The following TRIO variants were observed in gnomAD, a reference collection of about 807,000 sequenced individuals.
The protein encoded by TRIO is triple functional domain protein.
Under a neutral mutation model 351.9 loss-of-function variants are expected in TRIO, and 58 were observed. That is an observed-to-expected ratio of 0.16 (90% CI 0.13 to 0.21). The LOEUF (loss-of-function observed/expected upper bound fraction) is 0.21, where lower values mean the gene tolerates loss of function less well. TRIO is among the 10% of genes least tolerant of loss of function. TRIO has a pLI of 1.00. For missense variants in TRIO, 3,201 were observed against 4,027.8 expected (o/e 0.79, Z 5.56); for synonymous variants, 1,758 against 1,595.7 (o/e 1.10, Z -2.42).
chr5:14,435,178 G>A (rs149248876), intron 34 of TRIO, among the ~76,000 whole-genome samples: 12 of 152,300 alleles, frequency 7.9e-5, no homozygotes, highest in African/African-American at 2.6e-4. Flanking sequence ...ATGGTTTGAA[G>A]GCTGAGTACA....
intron 1 of TRIO, among the ~76,000 whole-genome samples, chr5:14,201,613 A>T (rs1409331804): frequency 6.6e-6 from 1 of 152,168 alleles, no homozygotes; most frequent in East Asian, 1.9e-4. Context: ...TTCTAAGATG[A>T]TCCTGTATCT....
In TRIO at chr5:14,471,384, C is replaced by T; in HGVS notation, c.5830C>T (p.Pro1944Ser). The T allele has an allele frequency of 6.2e-7, 1 of 1,614,144 alleles. No homozygotes were observed. The highest frequency in any genetic ancestry group is 8.5e-7 in the Non-Finnish European group (1 of 1,180,020). ...QGDSSSPSFN[P>S]SDNSLLSSSS... is the part of the protein sequence containing the mutation. ...AGATAGTAGCAGCCCTTCCTTCAAC[C>T]CTTCGGATAATTCCCTTCTCTCTTC... Residue 1944 changes from proline (P) to serine (S), a missense_variant, in exon 38 of 57, where the codon CCT becomes TCT. Physicochemically the swap from Pro to Ser is moderately conservative, Grantham distance 74. Coordinates refer to ENST00000344204, the MANE Select transcript of TRIO (RefSeq NM_007118.4).
At position 14,366,889 on chromosome 5, in the gene TRIO, C is replaced by A; in HGVS notation, c.2784C>A (p.Ser928=). Reference sequence around the variant, plus strand: ...TGGGTTGGATCCGCAACGGAGAGTCCATGTTAAATGCCGGACTTATCACAG... The same window carrying A: ...TGGGTTGGATCCGCAACGGAGAGTCAATGTTAAATGCCGGACTTATCACAG... The part of the protein sequence containing the change: ...QVLGWIRNGE[S]MLNAGLITAS... The change falls in exon 16 of 57, where the codon TCC becomes TCA. Residue 928 remains serine, a synonymous_variant. Transcript: ENST00000344204. The A allele has an allele frequency of 6.2e-7, 1 of 1,614,172 alleles. No homozygotes were observed. Among genetic ancestry groups the A allele is most frequent in the African/African-American group, 1.3e-5 (1 of 75,044 alleles).
chr5:14,388,081 A>G lies in TRIO; in HGVS notation c.3881+234A>G, dbSNP rs16903452. 1,142 of 525,574 alleles carry G rather than the reference A, an allele frequency of 2.2e-3. 16 individuals are homozygous for G. The highest frequency in any genetic ancestry group is 0.02 in the African/African-American group (1,062 of 52,872). 32.6% of individuals were successfully genotyped at this position (525,574 alleles called of 1,614,324 possible). The stretch of plus-strand genomic sequence containing the variant: ...TGTGCCTGTGTTTCATTTGGAGTTG[A>G]TGAATTGTCATTAATAGATAGTGAC... On this transcript the variant is annotated intron_variant, in intron 23 of 56. Transcript: ENST00000344204.
intron 45 of TRIO, 75 bp from the exon 46 acceptor site, chr5:14,482,507 G>T: frequency 8.4e-7 from 1 of 1,194,640 alleles, no homozygotes; most frequent in East Asian, 2.9e-5. Flanking sequence ...GAAATCTAAA[G>T]AAAACAGCTT....
intron 9 of TRIO, among the ~76,000 whole-genome samples, chr5:14,328,221 T>G (rs942425879): frequency 6.6e-6 from 1 of 152,188 alleles, no homozygotes; most frequent in African/African-American, 2.4e-5. Context: ...TGAGTTAAAG[T>G]AATGTGCACT....
intron 1 of TRIO, among the ~76,000 whole-genome samples, chr5:14,178,438 G>A (rs1789535910): frequency 6.6e-6 from 1 of 152,196 alleles, no homozygotes; most frequent in African/African-American, 2.4e-5. Flanking sequence ...GTGCCTGCCT[G>A]GTATTAGAAA....
chr5:14,169,599 CG>C (rs1431048880), intron 1 of TRIO, among the ~76,000 whole-genome samples: 6 of 152,182 alleles, frequency 3.9e-5, no homozygotes, highest in African/African-American at 1.2e-4. Context: ...TGTTATTCAT[CG>C]AACACACACG....
intron 34 of TRIO, among the ~76,000 whole-genome samples, chr5:14,431,764 C>G (rs1751170933): frequency 6.6e-6 from 1 of 152,180 alleles, no homozygotes; most frequent in East Asian, 1.9e-4. Flanking sequence ...CATTTATTCT[C>G]TCACAGTTCT....
intron 54 of TRIO, among the ~76,000 whole-genome samples, chr5:14,503,447 G>A (rs1308551088): frequency 6.6e-6 from 1 of 152,246 alleles, no homozygotes; most frequent in Non-Finnish European, 1.5e-5. Flanking sequence ...AGTGCAGTGG[G>A]CAGATGGGAC....
intron 1 of TRIO, among the ~76,000 whole-genome samples, chr5:14,218,527 C>A (rs552149752): frequency 6.6e-6 from 1 of 152,306 alleles, no homozygotes; most frequent in East Asian, 1.9e-4. Flanking sequence ...AAAAAAACCT[C>A]AAAACCCAAC....
At chr5:14,267,160 ATCTCC>A (rs1194928842) in intron 1 of TRIO, among the ~76,000 whole-genome samples, 1 of 152,170 alleles carries the variant, frequency 6.6e-6, no homozygotes, top group Non-Finnish European at 1.5e-5. Flanking sequence ...CCCTCTGGTT[ATCTCC>A]TCTCAAGTTG....
chr5:14,497,824 C>T lies in TRIO; in HGVS notation c.8020-23C>T. The T allele has an allele frequency of 6.2e-7, 1 of 1,614,158 alleles. No individual in the cohort carries two copies. The highest frequency in any genetic ancestry group is 8.5e-7 in the Non-Finnish European group (1 of 1,180,000). ...TTAAAGTAGCTCATTTCAGTTAATG[C>T]TTGTTTGCTGTTTCCATTTCAGCTT... On this transcript the variant is annotated intron_variant, in intron 50 of 56. Transcript: ENST00000344204. The surrounding 1 kb of genome is among the most constrained non-coding windows in gnomAD (Gnocchi z 4.4).
chr5:14,443,323 A>G (rs1752206246), intron 34 of TRIO, among the ~76,000 whole-genome samples: 1 of 152,200 alleles, frequency 6.6e-6, no homozygotes, highest in African/African-American at 2.4e-5. Flanking sequence ...AAATTCGTGC[A>G]TATGCGTGTG....
At chr5:14,362,108 C>T (rs938584405) in intron 13 of TRIO, among the ~76,000 whole-genome samples, 1 of 152,156 alleles carries the variant, frequency 6.6e-6, no homozygotes, top group African/African-American at 2.4e-5. Context: ...GAGTGGAACT[C>T]CATCTCTGAA....
rs577094390 is a variant in TRIO, at chr5:14,423,924, A to ATTT, written c.5203+3924_5203+3926dup. Among the ~76,000 whole-genome samples, 543 of 118,126 alleles carry ATTT rather than the reference A, an allele frequency of 4.6e-3. 5 individuals are homozygous for ATTT. Among genetic ancestry groups the ATTT allele is most frequent in the African/African-American group, 0.015 (449 of 29,926 alleles). 77.5% of individuals were successfully genotyped at this position (118,126 alleles called of 152,430 possible). A position where few individuals can be genotyped will look rare whatever the true frequency, so the allele number is the denominator to read the frequency against. Reference sequence around the variant, plus strand: ...GAAGGCCCCTCTCAGACCCCATGGAATTTTTTTTTTTTTTTTTTTTTTTGC... The same window carrying ATTT: ...GAAGGCCCCTCTCAGACCCCATGGAATTTTTTTTTTTTTTTTTTTTTTTTTTGC... On this transcript the variant is annotated intron_variant, in intron 34 of 56. Transcript: ENST00000344204.
At chr5:14,234,504 T>G (rs183644125) in intron 1 of TRIO, among the ~76,000 whole-genome samples, 8 of 152,200 alleles carry the variant, frequency 5.3e-5, no homozygotes. Context: ...GCAATCTCAG[T>G]AGATACCTGT....
At chr5:14,431,962 C>T (rs565337825) in intron 34 of TRIO, among the ~76,000 whole-genome samples, 97 of 152,328 alleles carry the variant, frequency 6.4e-4, no homozygotes, top group Non-Finnish European at 1.0e-3. Context: ...TTAATTTAAT[C>T]ACCTCCTTAA....
chr5:14,469,626 C>T (rs1448259886), intron 37 of TRIO, among the ~76,000 whole-genome samples: 5 of 152,224 alleles, frequency 3.3e-5, no homozygotes, highest in African/African-American at 1.2e-4. Flanking sequence ...CCTTCTCACA[C>T]ACATTTGTGG....
Sources: allele counts gnomAD v4.1 joint callset (sites outside exome capture counted in the v4.1 genomes callset), GRCh38; gene constraint gnomAD v4.1.1; non-coding constraint Gnocchi (gnomAD v3.1); transcripts MANE v1.5; gene names NCBI Gene and HGNC (gene_info 2026-07-23, HGNC 2026-07-21).